Variants in DENND1A observed in about 807,000 individuals in gnomAD.
DENND1A encodes DENN domain containing 1A.
DENND1A carries 51 observed loss-of-function variants against 113.7 expected under a neutral mutation model. That is an observed-to-expected ratio of 0.45 (90% confidence interval 0.36 to 0.57). DENND1A has a LOEUF of 0.57. Ranked by LOEUF, DENND1A falls within the 20% of genes least tolerant of loss-of-function variation. The pLI, the probability that DENND1A is intolerant of heterozygous loss-of-function variation, is 0.00. For missense variants in DENND1A, 1,258 were observed against 1,395.9 expected, an observed-to-expected ratio of 0.90 and a Z score of 1.57; for synonymous variants, 565 against 570.8, an observed-to-expected ratio of 0.99 and a Z score of 0.14.
rs2061424672 is a variant in DENND1A, at chr9:123,630,367, C to T, written c.719+9G>A. The T allele has an allele frequency of 1.3e-6, 2 of 1,581,232 alleles. No homozygotes were observed. Among genetic ancestry groups the T allele is most frequent in the South Asian group, 1.1e-5 (1 of 87,182 alleles). On this transcript the variant is annotated intron_variant, in intron 10 of 23. Transcript: ENST00000394215. ...AAGGAGAAGCAGAGGACAGGGCCAG[C>T]CACCTTACCAGCAGTAGTCCAGCAG...
intron 2 of DENND1A, among the ~76,000 whole-genome samples, chr9:123,807,254 A>G (rs1835747270): frequency 6.6e-6 from 1 of 152,202 alleles, no homozygotes; most frequent in African/African-American, 2.4e-5. Context: ...AATAAGATTC[A>G]TAATTTTTTA....
chr9:123,642,310 T>C (rs2062072886), intron 9 of DENND1A, among the ~76,000 whole-genome samples: 2 of 152,244 alleles, frequency 1.3e-5, no homozygotes, highest in Non-Finnish European at 1.5e-5. Flanking sequence ...TCCATGGAAG[T>C]TCCTTTATTT....
At chr9:123,871,052 T>C (rs1207217842) in intron 2 of DENND1A, among the ~76,000 whole-genome samples, 1 of 152,180 alleles carries the variant, frequency 6.6e-6, no homozygotes, top group Non-Finnish European at 1.5e-5. Flanking sequence ...CCCCCCGCCA[T>C]ACCACTTCTC....
At chr9:123,730,921 C>A (rs1168259843) in intron 5 of DENND1A, among the ~76,000 whole-genome samples, 1 of 152,064 alleles carries the variant, frequency 6.6e-6, no homozygotes, top group East Asian at 1.9e-4. Context: ...GAATACTATG[C>A]AGCCATAAAA....
chr9:123,452,574 G>A (rs1053041215), intron 16 of DENND1A, among the ~76,000 whole-genome samples: 1 of 152,052 alleles, frequency 6.6e-6, no homozygotes, highest in African/African-American at 2.4e-5. Context: ...GATGAGGAGT[G>A]TGAATTGATG....
chr9:123,909,359 A>T (rs1011882196), intron 1 of DENND1A, among the ~76,000 whole-genome samples: 4 of 148,258 alleles, frequency 2.7e-5, no homozygotes, highest in Non-Finnish European at 1.5e-5. Context: ...AAATAAAAAT[A>T]AAAAAAACAA....
At chr9:123,925,368 C>A (rs1208999880) in intron 1 of DENND1A, among the ~76,000 whole-genome samples, 2 of 152,180 alleles carry the variant, frequency 1.3e-5, no homozygotes, top group Non-Finnish European at 2.9e-5. Context: ...TTTCCTGACC[C>A]TCCCTCCTCC....
intron 21 of DENND1A, among the ~76,000 whole-genome samples, chr9:123,397,344 G>A (rs902207190): frequency 6.6e-6 from 1 of 152,122 alleles, no homozygotes; most frequent in African/African-American, 2.4e-5. Flanking sequence ...TAGTAGAGAC[G>A]GAGTTTTGCC....
At chr9:123,576,030 G>A (rs2058618547) in intron 12 of DENND1A, among the ~76,000 whole-genome samples, 1 of 152,056 alleles carries the variant, frequency 6.6e-6, no homozygotes, top group Admixed American at 6.5e-5. Flanking sequence ...CTGTTGTCAT[G>A]TTTACTCTTT....
At chr9:123,607,516 CACACAGAGAG>C (rs1480881472) in intron 11 of DENND1A, among the ~76,000 whole-genome samples, 239 of 80,312 alleles carry the variant, frequency 3.0e-3, no homozygotes, top group African/African-American at 4.3e-3. Context: ...CACACACACA[CACACAGAGAG>C]AGAGAGAGAG....
At chr9:123,476,771 AC>A (rs1462249440) in intron 13 of DENND1A, among the ~76,000 whole-genome samples, 1 of 152,120 alleles carries the variant, frequency 6.6e-6, no homozygotes, top group African/African-American at 2.4e-5. Context: ...AATTCTCGTA[AC>A]CACCCATGAG....
chr9:123,694,269 G>A (rs2065369596), intron 5 of DENND1A, among the ~76,000 whole-genome samples: 1 of 152,092 alleles, frequency 6.6e-6, no homozygotes, highest in African/African-American at 2.4e-5. Flanking sequence ...AAGAAATCAT[G>A]CCCATCCCAG....
chr9:123,441,150 A>C (rs4287012), intron 18 of DENND1A, among the ~76,000 whole-genome samples: 143,769 of 152,246 alleles, frequency 0.94, 68,353 homozygotes, highest in Non-Finnish European at 1. Context: ...TCATCCTATC[A>C]AATTGCTTTC....
At chr9:123,502,103 C>T (rs2052538028) in intron 13 of DENND1A, among the ~76,000 whole-genome samples, 1 of 152,056 alleles carries the variant, frequency 6.6e-6, no homozygotes, top group Non-Finnish European at 1.5e-5. Context: ...ATAATACAGG[C>T]TCCATATCTA....
chr9:123,399,024 G>C (rs573804870), intron 21 of DENND1A, among the ~76,000 whole-genome samples: 15 of 151,230 alleles, frequency 9.9e-5, no homozygotes, highest in Admixed American at 9.2e-4. Flanking sequence ...TTGAACTCCT[G>C]ACCTCAAGTG....
At chr9:123,419,818 G>A (rs1253899839) in intron 19 of DENND1A, among the ~76,000 whole-genome samples, 1 of 152,218 alleles carries the variant, frequency 6.6e-6, no homozygotes, top group Non-Finnish European at 1.5e-5. Flanking sequence ...CTAGCCCCCA[G>A]CGCCCATCGC....
At chr9:123,678,256 C>T (rs142621822) in intron 5 of DENND1A, among the ~76,000 whole-genome samples, 13 of 152,238 alleles carry the variant, frequency 8.5e-5, no homozygotes, top group African/African-American at 2.2e-4. Context: ...CCTGGCACAC[C>T]GTCAGTGCTC....
intron 8 of DENND1A, among the ~76,000 whole-genome samples, chr9:123,655,605 G>A (rs2139530189): frequency 6.6e-6 from 1 of 152,286 alleles, no homozygotes; most frequent in South Asian, 2.1e-4. Context: ...TATTAAAAAT[G>A]TAAATAAATT....
intron 21 of DENND1A, chr9:123,402,725 C>A: frequency 2.3e-6 from 1 of 441,108 alleles, no homozygotes. Context: ...TGGCTCTGGT[C>A]TGGACTCGGG....
Sources: gnomAD v4.1 joint callset for allele counts (sites outside exome capture counted in the v4.1 genomes callset) on GRCh38, gnomAD v4.1.1 for gene constraint, MANE v1.5 for transcripts, NCBI Gene and HGNC (gene_info 2026-07-23, HGNC 2026-07-21) for gene names.